PLIN4: variants seen among roughly 807,000 people sequenced by gnomAD.
The protein encoded by PLIN4 is perilipin-4.
A neutral mutation model predicts 52.4 loss-of-function variants in PLIN4; 57 were observed. That is an observed-to-expected ratio of 1.09 (90% CI 0.88 to 1.36). The LOEUF (loss-of-function observed/expected upper bound fraction) is 1.36. Ranked by LOEUF, PLIN4 falls within the 40% of genes most tolerant of loss-of-function variation. The pLI is 0.00. For missense variants in PLIN4, 1,757 were observed against 1,770.3 expected (o/e 0.99, Z 0.13); for synonymous variants, 826 against 785.4 (o/e 1.05, Z -0.86).
At chr19:4,508,491 T>A (rs1221561053) in intron 6 of PLIN4, among the ~76,000 whole-genome samples, 2 of 152,168 alleles carry the variant, frequency 1.3e-5, no homozygotes, top group Non-Finnish European at 2.9e-5. Flanking sequence ...GGTCTCGAAC[T>A]CCTGACCTCA....
chr19:4,508,017 C>T (rs1376259293), intron 6 of PLIN4, among the ~76,000 whole-genome samples: 1 of 152,144 alleles, frequency 6.6e-6, no homozygotes, highest in Non-Finnish European at 1.5e-5. Context: ...TGCGTTGCAG[C>T]CCCAGGCCCT....
In PLIN4 at chr19:4,510,972, A is replaced by C. The variant is rs1248093663; in HGVS notation, c.2988T>G (p.Thr996=). The C allele has an allele frequency of 6.2e-7, 1 of 1,608,260 alleles. No homozygotes were observed. Among genetic ancestry groups the C allele is most frequent in the South Asian group, 1.1e-5 (1 of 90,526 alleles). ...SKAVLMGTKD[T]VFSGVTGAMS... is the part of the protein sequence containing the mutation. The stretch of plus-strand genomic sequence containing the variant: ...TGGCACCGGTAACCCCACTGAAGAC[A>C]GTGTCCTTGGTACCCATAAGCACAG... The change falls in exon 5 of 8, where the codon ACT becomes ACG. Residue 996 remains threonine (T), a synonymous_variant. Transcript: ENST00000301286.
Position 4,508,730 on chromosome 19 carries a change from G to A in PLIN4, c.3702+38C>T, listed in dbSNP as rs532849851. On this transcript the variant is annotated intron_variant, in intron 6 of 7. Transcript: ENST00000301286. ...GTCCTGGGCAGGGGTTCTAAGAAGT[G>A]CCCTGGGGACGGGGCAGCAGCAGGG... 5.2e-6 allele frequency: 8 copies of A among 1,537,764 alleles called. No individual in the cohort carries two copies. The South Asian group carries it at 7.3e-5, about 14-fold the overall frequency.
intron 6 of PLIN4, 95 bp downstream of exon 6, chr19:4,508,673 T>C: frequency 7.6e-7 from 1 of 1,314,566 alleles, no homozygotes; most frequent in Non-Finnish European, 1.0e-6. Flanking sequence ...CATCATCTCC[T>C]AGGTGCTCAG....
At position 4,518,269 on chromosome 19, in the gene PLIN4, A is replaced by G; in HGVS notation, c.4T>C (p.Ser2Pro). ...TCCCGTCTCCCTTCGTCTGGAGCAG[A>G]CATAGTGAGAACGTGAGAAGCTGGA... Reference protein sequence around the residue: MSAPDEGRRDPP... With the variant: MPAPDEGRRDPP... Residue 2 changes from serine (S) to proline (P), a missense_variant, in exon 2 of 8, where the codon TCT becomes CCT. By Grantham distance (74) the Ser-to-Pro change is moderately conservative. Transcript: ENST00000301286. 8.1e-7 allele frequency: 1 copy of G among 1,232,970 alleles called. No homozygotes were observed. Among genetic ancestry groups the G allele is most frequent in the Non-Finnish European group, 1.0e-6 (1 of 988,660 alleles). 76.4% of individuals were successfully genotyped at this position (1,232,970 alleles called of 1,614,324 possible).
Position 4,513,294 on chromosome 19 carries a change from A to G in PLIN4, c.666T>C (p.Thr222=), listed in dbSNP as rs1976486228. 1 of 1,609,928 alleles carries G rather than the reference A, an allele frequency of 6.2e-7. No homozygotes were observed. Among genetic ancestry groups the G allele is most frequent in the Non-Finnish European group, 8.5e-7 (1 of 1,178,848 alleles). Reference sequence around the variant, plus strand: ...GCACAGCCTTGGAGGTTTCCACGCCAGTCTGGACAGTCCCTTTGGCCAAGT... The same window carrying G: ...GCACAGCCTTGGAGGTTTCCACGCCGGTCTGGACAGTCCCTTTGGCCAAGT... ...AVNLAKGTVQ[T]GVETSKAVLT... The change falls in exon 5 of 8, where the codon ACT becomes ACC. Residue 222 remains threonine (T), a synonymous_variant. Transcript: ENST00000301286.
At position 4,504,590 on chromosome 19, in the gene PLIN4, G is replaced by C; in HGVS notation, c.3985C>G (p.Arg1329Gly). The C allele has an allele frequency of 1.2e-6, 2 of 1,603,638 alleles. No homozygotes were observed. Among genetic ancestry groups the C allele is most frequent in the Non-Finnish European group, 1.7e-6 (2 of 1,177,306 alleles). Reference sequence around the variant, plus strand: ...ACACCCTCGCGGCTCTGCACCAGCCGCTCTGCGGGCAGCTCCTCTACAGAG... The same window carrying C: ...ACACCCTCGCGGCTCTGCACCAGCCCCTCTGCGGGCAGCTCCTCTACAGAG... ...AGSVEELPAE[R>G]LVQSREGVHQ... Residue 1329 changes from arginine (R) to glycine (G), a missense_variant, in exon 8 of 8, where the codon CGG (arginine) becomes GGG (glycine). Around this residue, in one of 7 missense-constraint regions of PLIN4, gnomAD observed 712 missense variants for 637.1 expected, o/e 1.12. Coordinates refer to ENST00000301286, the MANE Select transcript of PLIN4 (RefSeq NM_001367868.2).
At position 4,512,817 on chromosome 19, in the gene PLIN4, G is replaced by T; in HGVS notation, c.1143C>A (p.Ala381=). ...CCAGGCCCCCCTGGATGGCCTCTTT[G>T]GCCAAGTTCACGGCACCGGTCACCC... ...CSGVTGAVNL[A]KEAIQGGLDT... is the part of the protein sequence containing the mutation. The change falls in exon 5 of 8, where the codon GCC becomes GCA. Residue 381 remains alanine (A), a synonymous_variant. Coordinates refer to ENST00000301286, the MANE Select transcript of PLIN4 (RefSeq NM_001367868.2). 6.4e-7 allele frequency: 1 copy of T among 1,564,008 alleles called. No individual in the cohort carries two copies. Among genetic ancestry groups the T allele is most frequent in the Non-Finnish European group, 8.6e-7 (1 of 1,161,696 alleles).
chr19:4,508,513 C>T lies in PLIN4; in HGVS notation c.3702+255G>A, dbSNP rs901778805. On this transcript the variant is annotated intron_variant, in intron 6 of 7. Coordinates refer to ENST00000301286, the MANE Select transcript of PLIN4 (RefSeq NM_001367868.2). ...AACTCCTGACCTCAAGTGACCCACC[C>T]GCCTCGGCCTCCCAAATTGCTGGGG... 2.6e-5 allele frequency among the ~76,000 whole-genome samples: 4 copies of T among 152,306 alleles called. No homozygotes were observed. In the East Asian group the frequency reaches 7.7e-4, roughly 29 times the overall value.
chr19:4,517,727 G>A (rs772778423), intron 2 of PLIN4, 29 bp from the exon 3 acceptor site: 1 of 1,562,518 alleles, frequency 6.4e-7, no homozygotes, highest in Non-Finnish European at 8.7e-7. Flanking sequence ...TGTGCAGGAT[G>A]AGCAGGCCAA....
chr19:4,504,745 A>C lies in PLIN4; in HGVS notation c.3830T>G (p.Leu1277Arg). The change falls in exon 8 of 8, where the codon CTC becomes CGC. Residue 1277 changes from leucine to arginine, a missense_variant. Around this residue, in one of 7 missense-constraint regions of PLIN4, gnomAD observed 712 missense variants for 637.1 expected, o/e 1.12. Coordinates refer to ENST00000301286, the MANE Select transcript of PLIN4 (RefSeq NM_001367868.2). The stretch of plus-strand genomic sequence containing the variant: ...ACTGTAGGCCGTGTGCAGCTGCCGG[A>C]GAAGGCCGCAGACCCTGGACAGAAC... The part of the protein sequence containing the change: ...AGVLSRVCGL[L>R]RQLHTAYSGL... 1.9e-6 allele frequency: 3 copies of C among 1,599,780 alleles called. No homozygotes were observed. Among genetic ancestry groups the C allele is most frequent in the Non-Finnish European group, 2.6e-6 (3 of 1,173,854 alleles).
rs747561716 is a variant in PLIN4, at chr19:4,512,145, G to T, written c.1815C>A (p.Leu605=). ...CTTTGGCGACATTCACTGCCCCCACGAGCCCAGTAGTCACTGTGTCCTTGG... is the reference window on the plus strand; with the variant it reads ...CTTTGGCGACATTCACTGCCCCCACTAGCCCAGTAGTCACTGTGTCCTTGG... ...TGTKDTVTTG[L]VGAVNVAKGT... The change falls in exon 5 of 8, where the codon CTC becomes CTA. Residue 605 remains leucine (L), a synonymous_variant. Transcript: ENST00000301286. 6 of 1,604,356 alleles carry T rather than the reference G, an allele frequency of 3.7e-6. No individual in the cohort carries two copies. The Admixed American group carries it at 1.0e-4, about 27-fold the overall frequency.
intron 4 of PLIN4, 34 bp downstream of exon 4, chr19:4,516,583 G>A (rs2145304745): frequency 6.3e-7 from 1 of 1,584,964 alleles, no homozygotes; most frequent in African/African-American, 1.3e-5. Context: ...CAGGGCTCCT[G>A]CCACATCAGA....
rs1976438364 is a variant in PLIN4, at chr19:4,512,596, A to T, written c.1364T>A (p.Val455Glu). 1 of 1,609,968 alleles carries T rather than the reference A, an allele frequency of 6.2e-7. No individual in the cohort carries two copies. The highest frequency in any genetic ancestry group is 8.5e-7 in the Non-Finnish European group (1 of 1,178,118). Reference protein sequence around the residue: ...NLARGTIQTGVDTTKIVLTGT... With the variant: ...NLARGTIQTGEDTTKIVLTGT... ...AGTTAGAACGATCTTGGTGGTGTCC[A>T]CGCCTGTCTGGATGGTTCCTCTGGC... The change falls in exon 5 of 8, where the codon GTG (valine) becomes GAG (glutamate). Residue 455 changes from valine (V) to glutamate (E), a missense_variant. Around this residue, in one of 7 missense-constraint regions of PLIN4, gnomAD observed 439 missense variants for 406.4 expected, o/e 1.08. Transcript: ENST00000301286.
At chr19:4,508,043 C>T (rs905243305) in intron 6 of PLIN4, among the ~76,000 whole-genome samples, 11 of 152,154 alleles carry the variant, frequency 7.2e-5, no homozygotes, top group Non-Finnish European at 1.5e-4. Context: ...CTCCCTGGAT[C>T]CCATCCTGGC....
At chr19:4,518,318 TG>T in intron 1 of PLIN4, 29 bp from the exon 2 acceptor site, 6 of 1,232,600 alleles carry the variant, frequency 4.9e-6, no homozygotes, top group Non-Finnish European at 6.1e-6. Context: ...GGTGCGTGAA[TG>T]GGGGTTCCCT....
Position 4,511,051 on chromosome 19 carries a change from C to G in PLIN4, c.2909G>C (p.Gly970Ala), listed in dbSNP as rs1599742717. The change falls in exon 5 of 8, where the codon GGG (glycine) becomes GCG (alanine). Residue 970 changes from glycine to alanine, a missense_variant. By Grantham distance (60) the Gly-to-Ala change is moderately conservative. Around this residue, in one of 7 missense-constraint regions of PLIN4, gnomAD observed 712 missense variants for 637.1 expected, o/e 1.12. Coordinates refer to ENST00000301286, the MANE Select transcript of PLIN4 (RefSeq NM_001367868.2). The stretch of plus-strand genomic sequence containing the variant: ...GGTTCCTTTGGCCACATTCACTGCC[C>G]CCGTGACTCCAGTAGTCACTGCATC... ...AKDAVTTGVT[G>A]AVNVAKGTVQ... 6.2e-7 allele frequency: 1 copy of G among 1,613,504 alleles called. No homozygotes were observed. Among genetic ancestry groups the G allele is most frequent in the East Asian group, 2.2e-5 (1 of 44,872 alleles).
rs1331650472 is a variant in PLIN4 at position 4,511,181 on chromosome 19, T to A, written c.2779A>T (p.Thr927Ser). 1.2e-6 allele frequency: 2 copies of A among 1,612,368 alleles called. No individual in the cohort carries two copies. Among genetic ancestry groups the A allele is most frequent in the Middle Eastern group, 1.7e-4 (1 of 6,048 alleles). ...VDTSKTVLTG[T>S]KDTVCSGVTG... ...ACTCCACTGCAGACGGTGTCCTTGG[T>A]ACCGGTCAGGACAGTCTTGCTGGTG... The change falls in exon 5 of 8, where the codon ACC becomes TCC. Residue 927 changes from threonine (T) to serine (S), a missense_variant. Thr to Ser is a moderately conservative substitution (Grantham distance 58). Around this residue, in one of 7 missense-constraint regions of PLIN4, gnomAD observed 712 missense variants for 637.1 expected, o/e 1.12. Transcript: ENST00000301286.
Position 4,507,976 on chromosome 19 carries a change from C to T in PLIN4, c.3702+792G>A, listed in dbSNP as rs148912010. Among the ~76,000 whole-genome samples the T allele has an allele frequency of 1.1e-4, 16 of 152,268 alleles. No individual in the cohort carries two copies. The East Asian group carries it at 1.5e-3, about 15-fold the overall frequency. On this transcript the variant is annotated intron_variant, in intron 6 of 7. Transcript: ENST00000301286. ...AGGGTGCATGACCCCTGGATGCATC[C>T]GAGTCATGTTGCGTTGGGTCCTTTC...
Sources: gnomAD v4.1 joint callset for allele counts (sites outside exome capture counted in the v4.1 genomes callset) on GRCh38, gnomAD v4.1.1 for gene constraint, gnomAD v4.1.1 regional missense constraint, MANE v1.5 for transcripts, NCBI Gene and HGNC (gene_info 2026-07-23, HGNC 2026-07-21) for gene names.